Variants in NKAIN3 observed in about 807,000 individuals in gnomAD.
NKAIN3 encodes the protein sodium/potassium transporting ATPase interacting 3.
NKAIN3 carries 25 observed loss-of-function variants against 30.2 expected under a neutral mutation model. The ratio of observed to expected loss-of-function variants is 0.83; its 90% CI spans 0.60 to 1.16. The LOEUF (loss-of-function observed/expected upper bound fraction) is 1.16, where lower values mean the gene tolerates loss of function less well. Among genes scored for constraint, NKAIN3 ranks in the 50% most tolerant of loss-of-function variants. The pLI is 0.00. For missense variants in NKAIN3, 225 were observed against 254.1 expected (o/e 0.89, Z 0.78); for synonymous variants, 91 against 89.6 (o/e 1.02, Z -0.09).
At chr8:62,364,521 T>C (rs2129592741) in intron 1 of NKAIN3, among the ~76,000 whole-genome samples, 1 of 152,196 alleles carries the variant, frequency 6.6e-6, no homozygotes, top group South Asian at 2.1e-4. Context: ...GAAATTCTAC[T>C]CCTTTGTTCT....
At chr8:62,305,258 A>G (rs976333052) in intron 1 of NKAIN3, among the ~76,000 whole-genome samples, 1 of 150,358 alleles carries the variant, frequency 6.7e-6, no homozygotes, top group African/African-American at 2.5e-5. Context: ...TTTTGAACAC[A>G]GATATTTCTA....
At chr8:62,783,324 C>G (rs1262625505) in intron 4 of NKAIN3, among the ~76,000 whole-genome samples, 2 of 152,120 alleles carry the variant, frequency 1.3e-5, no homozygotes, top group Middle Eastern at 3.2e-3. Context: ...TGTGAAGTCA[C>G]TGCAAGAAAT....
At chr8:62,828,440 T>C (rs1320687038) in intron 4 of NKAIN3, among the ~76,000 whole-genome samples, 3 of 152,126 alleles carry the variant, frequency 2.0e-5, no homozygotes, top group African/African-American at 7.2e-5. Flanking sequence ...TAAAAAATAA[T>C]CGAATTTAAA....
intron 1 of NKAIN3, among the ~76,000 whole-genome samples, chr8:62,423,425 T>TTATA (rs141712429): frequency 2.0e-5 from 3 of 148,230 alleles, no homozygotes; most frequent in African/African-American, 7.4e-5. Flanking sequence ...AACATTCATA[T>TTATA]TATATATATA....
At chr8:62,276,286 G>A (rs567336951) in intron 1 of NKAIN3, among the ~76,000 whole-genome samples, 4 of 152,140 alleles carry the variant, frequency 2.6e-5, no homozygotes, top group African/African-American at 7.2e-5. Flanking sequence ...GGCTTGTATC[G>A]AACTCATTAC....
chr8:62,920,196 A>T (rs187545538), intron 5 of NKAIN3, among the ~76,000 whole-genome samples: 7 of 152,234 alleles, frequency 4.6e-5, no homozygotes, highest in African/African-American at 1.4e-4. Context: ...AAGTCAAAAA[A>T]TTAATAAATT....
chr8:62,560,531 C>CTTTTTTTTTTTTTTTTTTT (rs869256384), intron 1 of NKAIN3, among the ~76,000 whole-genome samples: 13 of 45,362 alleles, frequency 2.9e-4, no homozygotes, highest in East Asian at 7.4e-4. Flanking sequence ...TTTTTCTTTT[C>CTTTTTTTTTTTTTTTTTTT]TTTTTTTTTT....
At chr8:62,469,913 C>T (rs1806279897) in intron 1 of NKAIN3, among the ~76,000 whole-genome samples, 2 of 152,210 alleles carry the variant, frequency 1.3e-5, no homozygotes, top group African/African-American at 4.8e-5. Context: ...CATCACTTCT[C>T]TTCCAGGTTA....
At chr8:62,946,941 G>A (rs1823141630) in intron 5 of NKAIN3, among the ~76,000 whole-genome samples, 1 of 152,150 alleles carries the variant, frequency 6.6e-6, no homozygotes, top group African/African-American at 2.4e-5. Flanking sequence ...CTACGTTCTG[G>A]TTAATTATTT....
At chr8:62,726,744 T>A (rs1815271068) in intron 3 of NKAIN3, among the ~76,000 whole-genome samples, 1 of 152,054 alleles carries the variant, frequency 6.6e-6, no homozygotes, top group Admixed American at 6.6e-5. Flanking sequence ...CAGGCCCAGA[T>A]GAGTTCACAG....
At chr8:62,741,976 T>C (rs1189300713) in intron 3 of NKAIN3, among the ~76,000 whole-genome samples, 4 of 152,148 alleles carry the variant, frequency 2.6e-5, no homozygotes, top group Non-Finnish European at 5.9e-5. Context: ...TCTTCTTCCT[T>C]ATTCTACAAA....
At position 62,471,850 on chromosome 8, in the gene NKAIN3, G is replaced by A. The variant is rs144493934; in HGVS notation, c.55-107689G>A. Among the ~76,000 whole-genome samples the A allele has an allele frequency of 4.0e-3, 610 of 152,166 alleles. 1 individual carries two copies. The highest frequency in any genetic ancestry group is 6.8e-3 in the Middle Eastern group (2 of 294). On this transcript the variant is annotated intron_variant, in intron 1 of 6. Transcript: ENST00000623646. ...TAGTCCCAGGTACTCAGAAGGCTGA[G>A]AGAACAATTGCTTGAGCCCAAGAGG...
intron 1 of NKAIN3, among the ~76,000 whole-genome samples, chr8:62,424,128 T>C (rs1418771160): frequency 6.6e-6 from 1 of 151,930 alleles, no homozygotes; most frequent in African/African-American, 2.4e-5. Flanking sequence ...AAGAATGAAA[T>C]CGGACCATTA....
intron 1 of NKAIN3, among the ~76,000 whole-genome samples, chr8:62,572,567 C>T (rs1297790884): frequency 1.3e-5 from 2 of 152,162 alleles, no homozygotes; most frequent in South Asian, 2.1e-4. Context: ...CTGATAAAGA[C>T]ATATGTGAGA....
At chr8:62,260,095 G>A (rs570794535) in intron 1 of NKAIN3, among the ~76,000 whole-genome samples, 1 of 152,150 alleles carries the variant, frequency 6.6e-6, no homozygotes, top group Non-Finnish European at 1.5e-5. Flanking sequence ...TTAGTGATCA[G>A]TTTCTCGTAA....
intron 3 of NKAIN3, among the ~76,000 whole-genome samples, chr8:62,653,614 C>G (rs1812687495): frequency 6.6e-6 from 1 of 152,228 alleles, no homozygotes; most frequent in South Asian, 2.1e-4. Context: ...AAGGAATATA[C>G]AAGTGTCCTG....
intron 4 of NKAIN3, among the ~76,000 whole-genome samples, chr8:62,808,577 G>T (rs1194851838): frequency 3.3e-5 from 5 of 152,088 alleles, no homozygotes; most frequent in African/African-American, 1.2e-4. Context: ...AAAGCTGAGT[G>T]TCTGGGGGAG....
At chr8:62,640,316 G>A (rs1812269938) in intron 3 of NKAIN3, among the ~76,000 whole-genome samples, 1 of 152,070 alleles carries the variant, frequency 6.6e-6, no homozygotes, top group Non-Finnish European at 1.5e-5. Flanking sequence ...GTTCTCATGA[G>A]ATCTGATGGT....
intron 6 of NKAIN3, among the ~76,000 whole-genome samples, chr8:62,957,872 T>C (rs1823466631): frequency 6.6e-6 from 1 of 152,166 alleles, no homozygotes; most frequent in South Asian, 2.1e-4. Flanking sequence ...CGAGTGACTA[T>C]ATCAGTGTAG....
Sources: allele counts gnomAD v4.1 joint callset (sites outside exome capture counted in the v4.1 genomes callset), GRCh38; gene constraint gnomAD v4.1.1; transcripts MANE v1.5; gene names NCBI Gene and HGNC (gene_info 2026-07-23, HGNC 2026-07-21).